BDP1: variants seen among roughly 807,000 people sequenced by gnomAD.
BDP1 encodes transcription factor TFIIIB component B'' homolog.
A neutral mutation model predicts 266.6 loss-of-function variants in BDP1; 169 were observed. The ratio of observed to expected loss-of-function variants is 0.63; its 90% CI spans 0.56 to 0.72. The LOEUF is 0.72. Ranked by LOEUF, BDP1 falls within the 30% of genes least tolerant of loss-of-function variation. The pLI is 0.00. For missense variants in BDP1, 3,015 were observed against 3,053.8 expected (o/e 0.99, Z 0.30); for synonymous variants, 1,090 against 1,022.4 (o/e 1.07, Z -1.26).
At chr5:71,569,148 C>T (rs758464557), downstream of BDP1, among the ~76,000 whole-genome samples, 42 of 152,214 alleles carry the variant, frequency 2.8e-4, no homozygotes, top group Non-Finnish European at 3.4e-4. Flanking sequence ...TCAGACTCAC[C>T]TGGGAAGCTT....
chr5:71,502,693 G>T lies in BDP1; in HGVS notation c.2143G>T (p.Ala715Ser). The change falls in exon 15 of 39, where the codon GCA (alanine) becomes TCA (serine). Residue 715 changes from alanine to serine, a missense_variant. Around this residue, in one of 3 missense-constraint regions of BDP1, gnomAD observed 2,383 missense variants for 2,404.9 expected, o/e 0.99. Transcript: ENST00000358731. Reference protein sequence around the residue: ...RGRLQKPKPNAGKAAERKEIL... With the variant: ...RGRLQKPKPNSGKAAERKEIL... ...CCGATTGCAAAAGCCAAAGCCAAAT[G>T]CAGGTAAAGCTGCTGAAAGAAAAGA... 6.2e-7 allele frequency: 1 copy of T among 1,614,006 alleles called. No homozygotes were observed. Among genetic ancestry groups the T allele is most frequent in the Middle Eastern group, 1.7e-4 (1 of 6,060 alleles).
In BDP1 at chr5:71,559,994, AGGG is replaced by A. The variant is rs1337517627; in HGVS notation, c.7254_7256del (p.Gly2419del). 6.8e-6 allele frequency: 11 copies of A among 1,613,550 alleles called. No homozygotes were observed. In the East Asian group the frequency reaches 2.2e-4, roughly 33 times the overall value. On this transcript the variant is annotated inframe_deletion, in exon 37 of 39. Coordinates refer to ENST00000358731, the MANE Select transcript of BDP1 (RefSeq NM_018429.3). ...CTTTTTTTTGAAGGGGAGTCTCACA[AGGG>A]ACAAGATATTTTTCTTACCTCAGGA...
At chr5:71,551,955 A>AC (rs1160741925) in intron 34 of BDP1, among the ~76,000 whole-genome samples, 5 of 115,284 alleles carry the variant, frequency 4.3e-5, no homozygotes, top group Middle Eastern at 5.6e-3. Flanking sequence ...CGGGGGGCTG[A>AC]CCCCCCCACC....
rs1014314623 is a variant in BDP1, at chr5:71,474,264, G to A, written c.1014+3775G>A. Among the ~76,000 whole-genome samples, 7 of 151,670 alleles carry A rather than the reference G, an allele frequency of 4.6e-5. No individual in the cohort carries two copies. In the East Asian group the frequency reaches 9.7e-4, roughly 21 times the overall value. On this transcript the variant is annotated intron_variant, in intron 7 of 38. Coordinates refer to ENST00000358731, the MANE Select transcript of BDP1 (RefSeq NM_018429.3). ...CAAAGTGCTAAGATTACAGGCATGA[G>A]CCACCGTGCCTGGCCTGTACATTTC... is the stretch of plus-strand genomic sequence containing the variant.
chr5:71,506,758 TTATA>T (rs67179518), intron 16 of BDP1, among the ~76,000 whole-genome samples: 320 of 135,734 alleles, frequency 2.4e-3, no homozygotes, highest in Non-Finnish European at 3.1e-3. Context: ...GTTTGGAGGT[TTATA>T]TATATATATA....
At position 71,491,335 on chromosome 5, in the gene BDP1, G is replaced by A. The variant is rs1233614503; in HGVS notation, c.1640+204G>A. Among the ~76,000 whole-genome samples, 4 of 151,886 alleles carry A rather than the reference G, an allele frequency of 2.6e-5. No homozygotes were observed. The South Asian group carries it at 6.2e-4, about 24-fold the overall frequency. On this transcript the variant is annotated intron_variant, in intron 11 of 38. Coordinates refer to ENST00000358731, the MANE Select transcript of BDP1 (RefSeq NM_018429.3). ...TTGGTGAAATTCCCTTTATCATTAT[G>A]TACTATCCTTCTGGTATTGCTCTTT... is the stretch of plus-strand genomic sequence containing the variant.
chr5:71,539,027 T>C lies in BDP1; in HGVS notation c.5893-15T>C. 6.4e-7 allele frequency: 1 copy of C among 1,572,678 alleles called. No homozygotes were observed. Among genetic ancestry groups the C allele is most frequent in the Non-Finnish European group, 8.7e-7 (1 of 1,146,704 alleles). On this transcript the variant is annotated splice_polypyrimidine_tract_variant and intron_variant, in intron 26 of 38. Transcript: ENST00000358731. Reference sequence around the variant, plus strand: ...GGAAGTATTTTAAGATGTTACTTATTTTTTTCCTTTTTAGGAAATGACCAC... The same window carrying C: ...GGAAGTATTTTAAGATGTTACTTATCTTTTTCCTTTTTAGGAAATGACCAC...
At chr5:71,461,996 T>C (rs576569586) in intron 3 of BDP1, 70 bp downstream of exon 3, 5 of 849,496 alleles carry the variant, frequency 5.9e-6, no homozygotes, top group Admixed American at 2.4e-5. Context: ...GGAGTCTCGC[T>C]CTGTCACCCG....
Position 71,560,600 on chromosome 5 carries a change from A to G in BDP1, c.7496+363A>G, listed in dbSNP as rs184395026. On this transcript the variant is annotated intron_variant, in intron 37 of 38. Coordinates refer to ENST00000358731, the MANE Select transcript of BDP1 (RefSeq NM_018429.3). ...AGTTGTTTTACTGAAGTCCCAAATA[A>G]TGTGTCATTTTTCTCCCTTGTGACA... 4.6e-3 allele frequency among the ~76,000 whole-genome samples: 708 copies of G among 152,310 alleles called. 21 individuals carry two copies. Among genetic ancestry groups the G allele is most frequent in the Non-Finnish European group, 2.7e-3 (183 of 68,028 alleles).
At chr5:71,547,690 C>A (rs1742433696) in intron 32 of BDP1, among the ~76,000 whole-genome samples, 1 of 152,176 alleles carries the variant, frequency 6.6e-6, no homozygotes, top group Admixed American at 6.5e-5. Flanking sequence ...GTGGCTCACA[C>A]CTGTATTCCA....
chr5:71,476,755 G>A (rs1265021546), intron 7 of BDP1, among the ~76,000 whole-genome samples: 1 of 152,080 alleles, frequency 6.6e-6, no homozygotes, highest in East Asian at 1.9e-4. Flanking sequence ...CCAGGCTGGA[G>A]TGCAGTGGCG....
chr5:71,464,715 GTTTTTTTTTTT>G (rs567761591), intron 4 of BDP1, among the ~76,000 whole-genome samples: 6 of 88,060 alleles, frequency 6.8e-5, no homozygotes, highest in Non-Finnish European at 1.1e-4. Context: ...AAATTTTTTA[GTTTTTTTTTTT>G]TTTTTTTTTT....
chr5:71,461,958 CTTTTTTTTT>C (rs370261571), intron 3 of BDP1, 32 bp downstream of exon 3: 16 of 444,100 alleles, frequency 3.6e-5, no homozygotes, highest in South Asian at 8.9e-5. Flanking sequence ...TTTACTATCT[CTTTTTTTTT>C]TTTTTTTTTT....
In BDP1 at chr5:71,466,229, GA is replaced by G. The variant is rs1468327041; in HGVS notation, c.785+12del. 4 of 1,613,008 alleles carry G rather than the reference GA, an allele frequency of 2.5e-6. No individual in the cohort carries two copies. Among genetic ancestry groups the G allele is most frequent in the Non-Finnish European group, 3.4e-6 (4 of 1,179,748 alleles). On this transcript the variant is annotated intron_variant, in intron 5 of 38. Coordinates refer to ENST00000358731, the MANE Select transcript of BDP1 (RefSeq NM_018429.3). ...TATTTTGGATGAAGAAAGGTATTTA[GA>G]AAAGAGAAAAAGTGAGATTGTGGTT...
chr5:71,527,284 C>A (rs544832431), intron 25 of BDP1, among the ~76,000 whole-genome samples: 1 of 152,118 alleles, frequency 6.6e-6, no homozygotes, highest in Non-Finnish European at 1.5e-5. Context: ...AACCAAGATA[C>A]AAGATACAAA....
At chr5:71,529,612 ACC>A (rs764481539) in intron 25 of BDP1, among the ~76,000 whole-genome samples, 7 of 152,254 alleles carry the variant, frequency 4.6e-5, no homozygotes, top group Admixed American at 1.3e-4. Context: ...GGTTGCTTGA[ACC>A]CAGGAGTTTG....
At chr5:71,465,298 C>T (rs886251450) in intron 4 of BDP1, among the ~76,000 whole-genome samples, 15 of 151,660 alleles carry the variant, frequency 9.9e-5, no homozygotes, top group African/African-American at 3.6e-4. Context: ...ATTATTTTTA[C>T]AGATAGGGTC....
Position 71,497,289 on chromosome 5 carries a change from A to C in BDP1, c.1819A>C (p.Asn607His), listed in dbSNP as rs773097919. 14 of 1,612,818 alleles carry C rather than the reference A, an allele frequency of 8.7e-6. No homozygotes were observed. Among genetic ancestry groups the C allele is most frequent in the Admixed American group, 3.3e-5 (2 of 59,710 alleles). The change falls in exon 13 of 39, where the codon AAT (asparagine) becomes CAT (histidine). Residue 607 changes from asparagine to histidine, a missense_variant. Physicochemically the swap from Asn to His is moderately conservative, Grantham distance 68. Coordinates refer to ENST00000358731, the MANE Select transcript of BDP1 (RefSeq NM_018429.3). ...TTTCAGGGAAATTGATCAAACAGAA[A>C]ATGTTAAACCAATGTTGAGAGGTCG... The part of the protein sequence containing the change: ...NNSLEIDQTE[N>H]VKPMLRGRFQ...
At position 71,512,354 on chromosome 5, in the gene BDP1, T is replaced by A; in HGVS notation, c.4173T>A (p.His1391Gln). The A allele has an allele frequency of 6.3e-7, 1 of 1,597,174 alleles. No homozygotes were observed. Among genetic ancestry groups the A allele is most frequent in the Non-Finnish European group, 8.5e-7 (1 of 1,175,894 alleles). The change falls in exon 18 of 39, where the codon CAT becomes CAA. Residue 1391 changes from histidine (H) to glutamine (Q), a missense_variant. By Grantham distance (24) the His-to-Gln change is conservative. Around this residue, in one of 3 missense-constraint regions of BDP1, gnomAD observed 2,383 missense variants for 2,404.9 expected, o/e 0.99. Coordinates refer to ENST00000358731, the MANE Select transcript of BDP1 (RefSeq NM_018429.3). ...FSHFKISSQT[H>Q]ESDKTEVQGI... ...ATTTCAAGATTTCTTCACAGACTCA[T>A]GAATCTGATAAAACAGAAGTCCAGG...
Sources: gnomAD v4.1 joint callset for allele counts (sites outside exome capture counted in the v4.1 genomes callset) on GRCh38, gnomAD v4.1.1 for gene constraint, gnomAD v4.1.1 regional missense constraint, MANE v1.5 for transcripts, NCBI Gene and HGNC (gene_info 2026-07-23, HGNC 2026-07-21) for gene names.